Variants in SIX6 observed in about 807,000 individuals in gnomAD.
The protein encoded by SIX6 is SIX homeobox 6.
A neutral mutation model predicts 23.6 loss-of-function variants in SIX6; 14 were observed. That is an observed-to-expected ratio of 0.59 (90% CI 0.39 to 0.93). The LOEUF is 0.93. SIX6 is among the 40% of genes least tolerant of loss of function. The pLI, the probability that SIX6 is intolerant of heterozygous loss-of-function variation, is 0.00. For missense variants in SIX6, 307 were observed against 325.6 expected (o/e 0.94, Z 0.44); for synonymous variants, 128 against 144.9 (o/e 0.88, Z 0.84).
At chr14:60,510,075 G>A in intron 1 of SIX6, 105 bp downstream of exon 1, 1 of 1,026,814 alleles carries the variant, frequency 9.7e-7, no homozygotes, top group Non-Finnish European at 1.5e-6. Context: ...TTCAGCAGGA[G>A]TTGGGAGCGC....
intron 1 of SIX6, among the ~76,000 whole-genome samples, chr14:60,510,479 T>C (rs1425002468): frequency 6.6e-6 from 1 of 152,226 alleles, no homozygotes; most frequent in Non-Finnish European, 1.5e-5. Flanking sequence ...TCCCATGCGC[T>C]GCCTGCCACT....
At chr14:60,510,864 G>GGC (rs887994657) in intron 1 of SIX6, among the ~76,000 whole-genome samples, 11 of 152,362 alleles carry the variant, frequency 7.2e-5, no homozygotes, top group Non-Finnish European at 1.2e-4. Flanking sequence ...GCTGAGAAAG[G>GGC]GCGCGAATCA....
rs775205400 is a variant in SIX6, at chr14:60,509,749, G to C, written c.351G>C (p.Lys117Asn). The C allele has an allele frequency of 1.9e-6, 3 of 1,613,262 alleles. No homozygotes were observed. The East Asian group carries it at 6.7e-5, about 36-fold the overall frequency. ...LGPVDKYRVR[K>N]KFPLPRTIWD... ...CTGTGGACAAGTACCGAGTAAGGAA[G>C]AAGTTCCCGCTGCCGCGCACCATTT... The change falls in exon 1 of 2, where the codon AAG becomes AAC. Residue 117 changes from lysine to asparagine, a missense_variant. Physicochemically the swap from Lys to Asn is moderately conservative, Grantham distance 94. Transcript: ENST00000327720.
chr14:60,511,154 G>A lies in SIX6; in HGVS notation c.643G>A (p.Val215Met), dbSNP rs763383468. 1.9e-6 allele frequency: 3 copies of A among 1,612,910 alleles called. No homozygotes were observed. Among genetic ancestry groups the A allele is most frequent in the Non-Finnish European group, 2.5e-6 (3 of 1,179,912 alleles). ...GGCGGAGGGCGACGGCACGCCAGAG[G>A]TGCTGGGCGTCGCCACCAGCCCGGC... ...LRAEGDGTPEVLGVATSPAAS... is the reference protein window; with the variant it reads ...LRAEGDGTPEMLGVATSPAAS... Residue 215 changes from valine to methionine, a missense_variant, in exon 2 of 2, where the codon GTG becomes ATG. Val to Met is a conservative substitution (Grantham distance 21, BLOSUM62 1). Transcript: ENST00000327720.
chr14:60,509,923 G>T lies in SIX6; in HGVS notation c.525G>T (p.Trp175Cys). Residue 175 changes from tryptophan to cysteine, a missense_variant, in exon 1 of 2, where the codon TGG becomes TGT. Physicochemically the swap from Trp to Cys is radical, Grantham distance 215. Transcript: ENST00000327720. ...TGLTPTQVGN[W>C]FKNRRQRDRA... ...TGACCCCTACGCAGGTGGGCAACTG[G>T]TTCAAAAACCGCCGACAAAGGGACC... The T allele has an allele frequency of 6.2e-7, 1 of 1,611,022 alleles. No homozygotes were observed. The highest frequency in any genetic ancestry group is 8.5e-7 in the Non-Finnish European group (1 of 1,178,490).
rs1566691725 is a variant in SIX6, at chr14:60,511,412, G to A, written c.*160G>A. 1.2e-6 allele frequency: 1 copy of A among 858,588 alleles called. No individual in the cohort carries two copies. Among genetic ancestry groups the A allele is most frequent in the South Asian group, 1.5e-5 (1 of 68,802 alleles). 53.2% of individuals were successfully genotyped at this position (858,588 alleles called of 1,614,324 possible). A position where few individuals can be genotyped will look rare whatever the true frequency, so the allele number is the denominator to read the frequency against. On this transcript the variant is annotated 3_prime_UTR_variant, in exon 2 of 2. Transcript: ENST00000327720. ...GTTGCCGTTTCCCGCCCCACCCCGC[G>A]GCCGGCCTGGCTTCACTGGCGCCCT... is the stretch of plus-strand genomic sequence containing the variant.
chr14:60,510,037 G>T, intron 1 of SIX6, 67 bp downstream of exon 1: 3 of 1,396,126 alleles, frequency 2.1e-6, no homozygotes, highest in Non-Finnish European at 3.0e-6. Context: ...CACCTCTGGC[G>T]CCCTTACCCA....
intron 1 of SIX6, 59 bp from the exon 2 acceptor site, chr14:60,511,025 G>A: frequency 2.6e-6 from 4 of 1,558,666 alleles, no homozygotes; most frequent in Non-Finnish European, 3.5e-6. Flanking sequence ...AGGTGGTGGG[G>A]GCGGGCGACG....
Position 60,509,542 on chromosome 14 carries a change from C to T in SIX6, c.144C>T (p.Asn48=), listed in dbSNP as rs1248467011. 2 of 1,610,354 alleles carry T rather than the reference C, an allele frequency of 1.2e-6. No homozygotes were observed. Among genetic ancestry groups the T allele is most frequent in the African/African-American group, 2.7e-5 (2 of 74,948 alleles). The change falls in exon 1 of 2, where the codon AAC becomes AAT. Residue 48 remains asparagine, a synonymous_variant. Coordinates refer to ENST00000327720, the MANE Select transcript of SIX6 (RefSeq NM_007374.3). ...CCCCTGCGGCCTGCGAGGCCCTCAA[C>T]AAGAATGAGTCGGTGCTACGCGCAC... ...PVAPAACEAL[N]KNESVLRARA...
rs1001371834 is a variant in SIX6, at chr14:60,509,968, C to T, written c.570C>T (p.Asn190=). 1.9e-6 allele frequency: 3 copies of T among 1,598,924 alleles called. No homozygotes were observed. The African/African-American group carries it at 4.0e-5, about 21-fold the overall frequency. ...RQRDRAAAAK[N]RLQQQVLSQG... The stretch of plus-strand genomic sequence containing the variant: ...GGGACCGAGCGGCTGCAGCCAAGAA[C>T]AGGTCGGTACCTAGAGGCCTCCGCG... Residue 190 remains asparagine, a splice_region_variant and synonymous_variant, in exon 1 of 2, where the codon AAC becomes AAT. Coordinates refer to ENST00000327720, the MANE Select transcript of SIX6 (RefSeq NM_007374.3).
rs1185126340 is a variant in SIX6, at chr14:60,509,247, G to A, written c.-152G>A. The A allele has an allele frequency of 4.3e-6, 3 of 690,722 alleles. No individual in the cohort carries two copies. The highest frequency in any genetic ancestry group is 2.7e-5 in the East Asian group (1 of 36,750). The allele number at this position is 690,722 out of a possible 1,614,324, so 42.8% of individuals were successfully genotyped here. A position where few individuals can be genotyped will look rare whatever the true frequency, so the allele number is the denominator to read the frequency against. On this transcript the variant is annotated 5_prime_UTR_variant, in exon 1 of 2. Coordinates refer to ENST00000327720, the MANE Select transcript of SIX6 (RefSeq NM_007374.3). Reference sequence around the variant, plus strand: ...CCTCCAGTCGGGGTCGTCCGCTCCCGGCCGTTGAGCCACCGCCGCCACCCG... The same window carrying A: ...CCTCCAGTCGGGGTCGTCCGCTCCCAGCCGTTGAGCCACCGCCGCCACCCG...
Position 60,509,865 on chromosome 14 carries a change from G to A in SIX6, c.467G>A (p.Ser156Asn), listed in dbSNP as rs1893263953. The change falls in exon 1 of 2, where the codon AGC (serine) becomes AAC (asparagine). Residue 156 changes from serine (S) to asparagine (N), a missense_variant. Ser to Asn is a conservative substitution (Grantham distance 46). Transcript: ENST00000327720. ...WYLQDPYPNP[S>N]KKRELAQATG... ...CTGCAGGATCCATACCCTAACCCCA[G>A]CAAAAAACGTGAGCTCGCCCAGGCA... 6.2e-7 allele frequency: 1 copy of A among 1,613,636 alleles called. No homozygotes were observed. Among genetic ancestry groups the A allele is most frequent in the Non-Finnish European group, 8.5e-7 (1 of 1,179,732 alleles).
At chr14:60,511,038 C>T in intron 1 of SIX6, 46 bp from the exon 2 acceptor site, 2 of 1,592,280 alleles carry the variant, frequency 1.3e-6, no homozygotes, top group East Asian at 4.6e-5. Context: ...GGGCGACGGG[C>T]GGCTGTGTTA....
At position 60,509,434 on chromosome 14, in the gene SIX6, G is replaced by A. The variant is rs557328634; in HGVS notation, c.36G>A (p.Gln12=). 2 of 1,599,720 alleles carry A rather than the reference G, an allele frequency of 1.3e-6. No individual in the cohort carries two copies. The highest frequency in any genetic ancestry group is 1.7e-5 in the Admixed American group (1 of 60,030). Residue 12 remains glutamine (Q), a synonymous_variant, in exon 1 of 2, where the codon CAG becomes CAA. Coordinates refer to ENST00000327720, the MANE Select transcript of SIX6 (RefSeq NM_007374.3). The part of the protein sequence containing the change: ...FQLPILNFSP[Q]QVAGVCETLE... The stretch of plus-strand genomic sequence containing the variant: ...TGCCCATCTTGAATTTCAGCCCCCA[G>A]CAAGTGGCCGGGGTATGTGAGACCC...
At position 60,511,452 on chromosome 14, in the gene SIX6, G is replaced by A; in HGVS notation, c.*200G>A. The A allele has an allele frequency of 1.5e-6, 1 of 660,104 alleles. No individual in the cohort carries two copies. The highest frequency in any genetic ancestry group is 2.7e-6 in the Non-Finnish European group (1 of 370,350). The allele number at this position is 660,104 out of a possible 1,614,324, so 40.9% of individuals were successfully genotyped here. ...ACTGGCGCCCTTTGGCCGCGACCACGGGAACCAGCGGTGAGGCCTGACCCA... is the reference window on the plus strand; with the variant it reads ...ACTGGCGCCCTTTGGCCGCGACCACAGGAACCAGCGGTGAGGCCTGACCCA... On this transcript the variant is annotated 3_prime_UTR_variant, in exon 2 of 2. Coordinates refer to ENST00000327720, the MANE Select transcript of SIX6 (RefSeq NM_007374.3).
rs531110837 is a variant in SIX6 at position 60,509,225 on chromosome 14, C to G, written c.-174C>G. On this transcript the variant is annotated 5_prime_UTR_variant, in exon 1 of 2. Transcript: ENST00000327720. ...CCAAGCCGCGGAGCCAGCACCTCCT[C>G]CAGTCGGGGTCGTCCGCTCCCGGCC... is the stretch of plus-strand genomic sequence containing the variant. 263 of 630,668 alleles carry G rather than the reference C, an allele frequency of 4.2e-4. No homozygotes were observed. Among genetic ancestry groups the G allele is most frequent in the Non-Finnish European group, 3.8e-4 (134 of 355,610 alleles). The allele number at this position is 630,668 out of a possible 1,614,324, so 39.1% of individuals were successfully genotyped here. A position where few individuals can be genotyped will look rare whatever the true frequency, so the allele number is the denominator to read the frequency against.
At chr14:60,510,798 C>T (rs550803074) in intron 1 of SIX6, among the ~76,000 whole-genome samples, 3 of 152,314 alleles carry the variant, frequency 2.0e-5, no homozygotes, top group African/African-American at 7.2e-5. Context: ...CAAAAGTGCA[C>T]AACAAACAGG....
rs1431667876 is a variant in SIX6, at chr14:60,512,554, C to T, written c.*1302C>T. On this transcript the variant is annotated 3_prime_UTR_variant, in exon 2 of 2. Coordinates refer to ENST00000327720, the MANE Select transcript of SIX6 (RefSeq NM_007374.3). Reference sequence around the variant, plus strand: ...ATCATGTCACATACTGAGGGTAAAACAAGGCTGTAGAAATAACTGGCATTT... The same window carrying T: ...ATCATGTCACATACTGAGGGTAAAATAAGGCTGTAGAAATAACTGGCATTT... 1 of 152,158 alleles carries T rather than the reference C, an allele frequency of 6.6e-6. No homozygotes were observed. Among genetic ancestry groups the T allele is most frequent in the Non-Finnish European group, 1.5e-5 (1 of 68,014 alleles). 9.4% of individuals were successfully genotyped at this position (152,158 alleles called of 1,614,324 possible).
chr14:60,509,937 G>A lies in SIX6; in HGVS notation c.539G>A (p.Arg180Gln). Residue 180 changes from arginine to glutamine, a missense_variant, in exon 1 of 2, where the codon CGA becomes CAA. Transcript: ENST00000327720. ...TQVGNWFKNR[R>Q]QRDRAAAAKN... is the part of the protein sequence containing the mutation. ...GTGGGCAACTGGTTCAAAAACCGCC[G>A]ACAAAGGGACCGAGCGGCTGCAGCC... 1 of 1,609,846 alleles carries A rather than the reference G, an allele frequency of 6.2e-7. No individual in the cohort carries two copies. The highest frequency in any genetic ancestry group is 8.5e-7 in the Non-Finnish European group (1 of 1,177,922).
Sources: allele counts gnomAD v4.1 joint callset (sites outside exome capture counted in the v4.1 genomes callset), GRCh38; gene constraint gnomAD v4.1.1; transcripts MANE v1.5; gene names NCBI Gene and HGNC (gene_info 2026-07-23, HGNC 2026-07-21).